CSMD2: variants seen among roughly 807,000 people sequenced by gnomAD.
CSMD2 encodes CUB and Sushi multiple domains 2, also known as CUB and sushi domain-containing protein 2.
In CSMD2, 130 loss-of-function variants were observed where a neutral mutation model predicts 398.5. The observed-to-expected ratio is 0.33, with a 90% confidence interval of 0.28 to 0.38. The LOEUF (loss-of-function observed/expected upper bound fraction) is 0.38. CSMD2 is among the 10% of genes least tolerant of loss of function. CSMD2 has a pLI of 1.00. For missense variants in CSMD2, 3,829 were observed against 4,764.9 expected (o/e 0.80, Z 5.78); for synonymous variants, 1,828 against 1,908.5 (o/e 0.96, Z 1.10).
intron 1 of CSMD2, among the ~76,000 whole-genome samples, chr1:34,160,686 T>A (rs1641249464): frequency 6.6e-6 from 1 of 152,150 alleles, no homozygotes. Flanking sequence ...TAAAGCACCA[T>A]CCCTGCCTTC....
At chr1:33,652,496 C>G (rs1387976439) in intron 27 of CSMD2, 35 bp from the exon 28 acceptor site, 4 of 1,609,102 alleles carry the variant, frequency 2.5e-6, no homozygotes, top group Non-Finnish European at 3.4e-6. Context: ...GAGGCTGCCT[C>G]TTCACCCTGG....
At chr1:33,764,878 A>G (rs1650289237) in intron 13 of CSMD2, among the ~76,000 whole-genome samples, 1 of 152,234 alleles carries the variant, frequency 6.6e-6, no homozygotes, top group African/African-American at 2.4e-5. Flanking sequence ...TACAGGGAAC[A>G]CTAGGTTTCA....
At chr1:33,830,653 T>C (rs1659433630) in intron 6 of CSMD2, among the ~76,000 whole-genome samples, 1 of 152,154 alleles carries the variant, frequency 6.6e-6, no homozygotes, top group African/African-American at 2.4e-5. Context: ...GGAACAAAGC[T>C]GGATGGAGAA....
chr1:33,887,128 A>G (rs1162526147), intron 5 of CSMD2, among the ~76,000 whole-genome samples: 3 of 152,148 alleles, frequency 2.0e-5, no homozygotes, highest in African/African-American at 7.2e-5. Flanking sequence ...GGACATTCAC[A>G]TACTGTGGCA....
chr1:34,161,487 T>C (rs563969348), intron 1 of CSMD2, among the ~76,000 whole-genome samples: 6 of 152,218 alleles, frequency 3.9e-5, no homozygotes, highest in African/African-American at 1.4e-4. Flanking sequence ...TAAGTGTTAG[T>C]ATTAGAGACT....
chr1:33,541,063 T>C, intron 59 of CSMD2, 67 bp downstream of exon 59: 3 of 1,493,832 alleles, frequency 2.0e-6, no homozygotes, highest in Non-Finnish European at 2.8e-6. Flanking sequence ...AGAGAGATGC[T>C]CAGGGCCTAC....
chr1:34,076,844 C>T (rs1472003081), intron 2 of CSMD2, among the ~76,000 whole-genome samples: 6 of 132,856 alleles, frequency 4.5e-5, no homozygotes, highest in Non-Finnish European at 9.2e-5. Flanking sequence ...AGCTGGAGAG[C>T]AAACTCATGT....
At chr1:33,520,081 G>T in intron 68 of CSMD2, 131 bp from the exon 69 acceptor site, 2 of 1,086,856 alleles carry the variant, frequency 1.8e-6, no homozygotes, top group Non-Finnish European at 2.7e-6. Flanking sequence ...TGCTCAGCAC[G>T]GGAGGCAGGT....
intron 3 of CSMD2, among the ~76,000 whole-genome samples, chr1:33,987,762 C>G (rs1328488405): frequency 6.6e-6 from 1 of 152,102 alleles, no homozygotes; most frequent in Non-Finnish European, 1.5e-5. Context: ...TACCCATGCA[C>G]TCACCTATTC....
chr1:34,005,448 A>G (rs1280893183), intron 3 of CSMD2, among the ~76,000 whole-genome samples: 7 of 120,380 alleles, frequency 5.8e-5, no homozygotes, highest in African/African-American at 2.3e-4. Context: ...TGATTTATTT[A>G]TGATTAGGTG....
At chr1:33,786,533 G>C (rs16835901) in intron 12 of CSMD2, among the ~76,000 whole-genome samples, 7,851 of 152,216 alleles carry the variant, frequency 0.052, 412 homozygotes, top group African/African-American at 0.13. Flanking sequence ...CTGTGTACTG[G>C]CTCATTAGTT....
At chr1:33,623,593 T>C in intron 35 of CSMD2, 127 bp from the exon 36 acceptor site, 1 of 660,020 alleles carries the variant, frequency 1.5e-6, no homozygotes, top group Middle Eastern at 3.5e-4. Flanking sequence ...CCTAACACTG[T>C]GCTAGTCCCT....
intron 1 of CSMD2, among the ~76,000 whole-genome samples, chr1:34,156,906 GGA>G (rs1273757624): frequency 3.3e-5 from 5 of 152,168 alleles, no homozygotes; most frequent in Non-Finnish European, 4.4e-5. Flanking sequence ...AGAGTCTCTA[GGA>G]GAGAGACTCG....
In CSMD2 at chr1:33,617,515, G is replaced by A. The variant is rs771394942; in HGVS notation, c.5930C>T (p.Pro1977Leu). 1.2e-5 allele frequency: 20 copies of A among 1,613,678 alleles called. No homozygotes were observed. Among genetic ancestry groups the A allele is most frequent in the South Asian group, 3.3e-5 (3 of 91,072 alleles). ...GGGAGGTACCTGGAGGGCATATCCC[G>A]GCTCACACTGGAAAGACACCACATC... Reference protein sequence around the residue: ...VNDVVSFQCEPGYALQGHAHI... With the variant: ...VNDVVSFQCELGYALQGHAHI... The change falls in exon 38 of 71, where the codon CCG (proline) becomes CTG (leucine). Residue 1977 changes from proline to leucine, a missense_variant. Coordinates refer to ENST00000373381, the MANE Select transcript of CSMD2 (RefSeq NM_001281956.2).
intron 1 of CSMD2, among the ~76,000 whole-genome samples, chr1:34,158,057 A>G (rs967621741): frequency 1.3e-5 from 2 of 152,208 alleles, no homozygotes; most frequent in African/African-American, 4.8e-5. Flanking sequence ...GAGGAGTATG[A>G]AAAGACAGTC....
At chr1:33,728,200 A>G (rs1409504861) in intron 15 of CSMD2, among the ~76,000 whole-genome samples, 1 of 152,150 alleles carries the variant, frequency 6.6e-6, no homozygotes, top group Non-Finnish European at 1.5e-5. Flanking sequence ...CTATGGAGCT[A>G]TCAGATGCCA....
At chr1:33,608,498 T>C (rs1011522183) in intron 41 of CSMD2, among the ~76,000 whole-genome samples, 1 of 152,218 alleles carries the variant, frequency 6.6e-6, no homozygotes, top group African/African-American at 2.4e-5. Context: ...AAAATTCATA[T>C]GCTGAAGACT....
Position 33,626,497 on chromosome 1 carries a change from A to T in CSMD2, c.5285T>A (p.Phe1762Tyr), listed in dbSNP as rs779472929. The part of the protein sequence containing the change: ...KGLAPARGFH[F>Y]VYQAVPRTSA... Reference sequence around the variant, plus strand: ...CATGTCCTCCATACCTTGGTAGACAAAGTGGAAGCCTCTGGCTGGTGCGAG... The same window carrying T: ...CATGTCCTCCATACCTTGGTAGACATAGTGGAAGCCTCTGGCTGGTGCGAG... Residue 1762 changes from phenylalanine (F) to tyrosine (Y), a missense_variant, in exon 33 of 71, where the codon TTT becomes TAT. Transcript: ENST00000373381. The T allele has an allele frequency of 1.2e-5, 20 of 1,606,202 alleles. No homozygotes were observed. The highest frequency in any genetic ancestry group is 1.7e-5 in the Non-Finnish European group (20 of 1,176,898).
intron 1 of CSMD2, among the ~76,000 whole-genome samples, chr1:34,145,078 A>T (rs1327990637): frequency 1.3e-5 from 2 of 152,192 alleles, no homozygotes; most frequent in Non-Finnish European, 2.9e-5. Context: ...TGCATGAGAA[A>T]CTTTAGCCCC....
Sources: allele counts gnomAD v4.1 joint callset (sites outside exome capture counted in the v4.1 genomes callset), GRCh38; gene constraint gnomAD v4.1.1; transcripts MANE v1.5; gene names NCBI Gene and HGNC (gene_info 2026-07-23, HGNC 2026-07-21).